SPEF2: variants seen among roughly 807,000 people sequenced by gnomAD.
SPEF2 encodes the protein sperm flagella and cilia-associated protein 2.
SPEF2 carries 187 observed loss-of-function variants against 224.6 expected under a neutral mutation model. That is an observed-to-expected ratio of 0.83 (90% CI 0.74 to 0.94). The LOEUF (loss-of-function observed/expected upper bound fraction) is 0.94. Ranked by LOEUF, SPEF2 falls within the 40% of genes least tolerant of loss-of-function variation. The pLI is 0.00. For synonymous variants in SPEF2, 715 were observed against 707.3 expected (o/e 1.01, Z -0.17); for missense variants, 2,170 against 2,135.6 (o/e 1.02, Z -0.32).
intron 19 of SPEF2, chr5:35,709,446 C>T (rs745602891): frequency 3.8e-5 from 41 of 1,067,280 alleles, no homozygotes; most frequent in Admixed American, 5.1e-5. Flanking sequence ...CGTCTGTGTG[C>T]TGAACTATAG....
intron 8 of SPEF2, among the ~76,000 whole-genome samples, chr5:35,664,531 T>A (rs1422569076): frequency 6.6e-6 from 1 of 151,940 alleles, no homozygotes; most frequent in Non-Finnish European, 1.5e-5. Flanking sequence ...AATACAAAAA[T>A]TAGCCAGGTG....
intron 23 of SPEF2, among the ~76,000 whole-genome samples, chr5:35,746,841 A>G (rs1748623556): frequency 6.6e-6 from 1 of 152,150 alleles, no homozygotes; most frequent in South Asian, 2.1e-4. Context: ...AATTTATCAC[A>G]AAAAAACATC....
chr5:35,733,123 GT>G lies in SPEF2; in HGVS notation c.3063+5309del, dbSNP rs543081684. On this transcript the variant is annotated intron_variant, in intron 21 of 36. Coordinates refer to ENST00000356031, the MANE Select transcript of SPEF2 (RefSeq NM_024867.4). ...GGTTTTTTTTTGTTTTTTGTTTTTTGTTTTTTTTTGAGATGGAGTCTCGCTC... is the reference window on the plus strand; with the variant it reads ...GGTTTTTTTTTGTTTTTTGTTTTTTGTTTTTTTTGAGATGGAGTCTCGCTC... 1.0e-2 allele frequency among the ~76,000 whole-genome samples: 1,496 copies of G among 149,622 alleles called. 28 individuals carry two copies. Among genetic ancestry groups the G allele is most frequent in the African/African-American group, 0.035 (1,436 of 40,666 alleles).
At chr5:35,653,349 G>T (rs1561137410) in intron 6 of SPEF2, among the ~76,000 whole-genome samples, 1 of 152,182 alleles carries the variant, frequency 6.6e-6, no homozygotes, top group African/African-American at 2.4e-5. Flanking sequence ...AATTTCAACT[G>T]CTGTGTTTTC....
At chr5:35,745,786 C>A (rs987651742) in intron 23 of SPEF2, among the ~76,000 whole-genome samples, 1 of 152,200 alleles carries the variant, frequency 6.6e-6, no homozygotes, top group South Asian at 2.1e-4. Context: ...TTCTAGGGCC[C>A]AGCCCACCGC....
intron 23 of SPEF2, among the ~76,000 whole-genome samples, chr5:35,744,726 C>G (rs552053300): frequency 6.6e-6 from 1 of 152,172 alleles, no homozygotes; most frequent in African/African-American, 2.4e-5. Flanking sequence ...CACACTCCAG[C>G]CTGGGGGACA....
intron 1 of SPEF2, among the ~76,000 whole-genome samples, chr5:35,619,427 A>G (rs1165917737): frequency 6.6e-6 from 1 of 152,226 alleles, no homozygotes; most frequent in Non-Finnish European, 1.5e-5. Flanking sequence ...TCACGCCTGT[A>G]ATGCCAGCCC....
At chr5:35,756,519 C>T (rs1164574393) in intron 24 of SPEF2, among the ~76,000 whole-genome samples, 1 of 152,160 alleles carries the variant, frequency 6.6e-6, no homozygotes, top group African/African-American at 2.4e-5. Flanking sequence ...GCCTAATGAA[C>T]AGCCCATCAA....
intron 26 of SPEF2, among the ~76,000 whole-genome samples, chr5:35,766,944 T>C (rs1000353199): frequency 6.6e-6 from 1 of 151,926 alleles, no homozygotes; most frequent in African/African-American, 2.4e-5. Context: ...ATAAAAGTTT[T>C]TGAAGTTGCC....
intron 26 of SPEF2, among the ~76,000 whole-genome samples, chr5:35,769,418 G>A (rs1344392823): frequency 1.1e-4 from 16 of 151,736 alleles, no homozygotes; most frequent in Non-Finnish European, 2.2e-4. Flanking sequence ...GAGAAAGAAA[G>A]AAAAAGACAA....
chr5:35,707,457 A>T (rs1740011404), intron 18 of SPEF2, among the ~76,000 whole-genome samples: 1 of 152,218 alleles, frequency 6.6e-6, no homozygotes, highest in African/African-American at 2.4e-5. Flanking sequence ...TTTCCACTTC[A>T]AAAGAACATC....
intron 23 of SPEF2, among the ~76,000 whole-genome samples, chr5:35,751,118 T>TATATATATATATA (rs1205071419): frequency 1.1e-5 from 1 of 87,890 alleles, no homozygotes; most frequent in South Asian, 4.6e-4. Flanking sequence ...TATATATATA[T>TATATATATATATA]GATGGAATGC....
chr5:35,729,139 C>T (rs770116659), intron 21 of SPEF2, among the ~76,000 whole-genome samples: 9 of 151,906 alleles, frequency 5.9e-5, no homozygotes, highest in Non-Finnish European at 1.3e-4. Context: ...GATCTTCCAG[C>T]ATTCGGGATT....
At chr5:35,680,427 T>C (rs916392572) in intron 10 of SPEF2, among the ~76,000 whole-genome samples, 2 of 152,198 alleles carry the variant, frequency 1.3e-5, no homozygotes, top group Non-Finnish European at 2.9e-5. Flanking sequence ...TCTTTGTACT[T>C]AGTTAAAATT....
At position 35,670,212 on chromosome 5, in the gene SPEF2, T is replaced by C; in HGVS notation, c.1509T>C (p.Asp503=). The C allele has an allele frequency of 6.2e-7, 1 of 1,608,886 alleles. No homozygotes were observed. Residue 503 remains aspartate, a synonymous_variant, in exon 10 of 37, where the codon GAT becomes GAC. Transcript: ENST00000356031. ...AAAGGGACTTGCTAGATACCAATGA[T>C]TATGAAGAATATAAGGTACCTACTG... ...LEKRDLLDTN[D]YEEYKNMVGE... is the part of the protein sequence containing the mutation.
chr5:35,628,350 T>G, intron 1 of SPEF2, 110 bp from the exon 2 acceptor site: 1 of 574,638 alleles, frequency 1.7e-6, no homozygotes. Flanking sequence ...CATGGCATTT[T>G]GAGTTCCAGT....
Position 35,694,337 on chromosome 5 carries a change from C to A in SPEF2, c.1949C>A (p.Pro650Gln). 6.2e-7 allele frequency: 1 copy of A among 1,613,100 alleles called. No individual in the cohort carries two copies. The highest frequency in any genetic ancestry group is 8.5e-7 in the Non-Finnish European group (1 of 1,179,522). The change falls in exon 13 of 37, where the codon CCA (proline) becomes CAA (glutamine). Residue 650 changes from proline to glutamine, a missense_variant. Coordinates refer to ENST00000356031, the MANE Select transcript of SPEF2 (RefSeq NM_024867.4). Reference protein sequence around the residue: ...SAGPVSDEVLPETEGETMLSA... With the variant: ...SAGPVSDEVLQETEGETMLSA... ...GGTCCAGTTTCAGATGAAGTATTACCAGAAACAGAAGGTGAAACAATGCTT... is the reference window on the plus strand; with the variant it reads ...GGTCCAGTTTCAGATGAAGTATTACAAGAAACAGAAGGTGAAACAATGCTT...
At chr5:35,643,373 G>A (rs1746874620) in intron 3 of SPEF2, 1 of 402,644 alleles carries the variant, frequency 2.5e-6, no homozygotes, top group African/African-American at 2.1e-5. Context: ...ATTGCAGTGA[G>A]TTGAGAAGGA....
chr5:35,661,315 A>C (rs1749711435), intron 8 of SPEF2, among the ~76,000 whole-genome samples: 1 of 139,784 alleles, frequency 7.2e-6, no homozygotes, highest in African/African-American at 2.6e-5. Context: ...ACACATATAT[A>C]CACATATACC....
Sources: allele counts gnomAD v4.1 joint callset (sites outside exome capture counted in the v4.1 genomes callset), GRCh38; gene constraint gnomAD v4.1.1; transcripts MANE v1.5; gene names NCBI Gene and HGNC (gene_info 2026-07-23, HGNC 2026-07-21).